Variants in DACH2 observed in about 807,000 individuals in gnomAD.
DACH2 encodes the protein dachshund family transcription factor 2, also known as dachshund homolog 2.
A neutral mutation model predicts 35.8 loss-of-function variants in DACH2; 17 were observed. That is an observed-to-expected ratio of 0.48 (90% CI 0.33 to 0.71). The LOEUF is 0.71. DACH2 is among the 30% of genes least tolerant of loss of function. The pLI is 0.02. For missense variants in DACH2, 469 were observed against 472.7 expected, an observed-to-expected ratio of 0.99 and a Z score of 0.07; for synonymous variants, 195 against 177.3, an observed-to-expected ratio of 1.10 and a Z score of -0.79.
intron 4 of DACH2, among the ~76,000 whole-genome samples, chrX:86,678,022 A>G (rs765522982): frequency 8.9e-6 from 1 of 112,167 alleles, no homozygotes; most frequent in East Asian, 2.8e-4. Flanking sequence ...AAGAAATGTG[A>G]CAAAACATTT....
intron 1 of DACH2, among the ~76,000 whole-genome samples, chrX:86,329,012 A>C (rs1369758910): frequency 9.0e-6 from 1 of 111,552 alleles, no homozygotes. Context: ...TTGCTTGATC[A>C]CTCAAACAAT....
At chrX:86,343,827 G>A (rs749977663) in intron 1 of DACH2, among the ~76,000 whole-genome samples, 1 of 111,037 alleles carries the variant, frequency 9.0e-6, no homozygotes, top group South Asian at 3.8e-4. Context: ...CTATTTCATA[G>A]AGGACACATA....
At chrX:86,438,390 A>T (rs2037105338) in intron 2 of DACH2, among the ~76,000 whole-genome samples, 1 of 109,094 alleles carries the variant, frequency 9.2e-6, no homozygotes, top group African/African-American at 3.3e-5. Context: ...CGCCCGGCTA[A>T]TTTTTTTGTA....
At chrX:86,360,201 GT>G (rs1376936914) in intron 1 of DACH2, among the ~76,000 whole-genome samples, 2 of 111,027 alleles carry the variant, frequency 1.8e-5, no homozygotes, top group Non-Finnish European at 3.8e-5. Flanking sequence ...ACATCTATAT[GT>G]TTTTTTCTTT....
intron 1 of DACH2, among the ~76,000 whole-genome samples, chrX:86,295,036 A>G (rs1193489965): frequency 8.9e-6 from 1 of 112,604 alleles, no homozygotes. Flanking sequence ...GCCGCCTTGC[A>G]GTTTGATCTT....
At chrX:86,376,750 A>G in intron 1 of DACH2, 74 bp from the exon 2 acceptor site, 1 of 1,089,327 alleles carries the variant, frequency 9.2e-7, no homozygotes, top group Non-Finnish European at 1.2e-6. Context: ...GCCTTGCTTA[A>G]TTGGAAGCTA....
intron 3 of DACH2, among the ~76,000 whole-genome samples, chrX:86,561,809 G>A (rs376466552): frequency 1.8e-4 from 12 of 65,490 alleles, no homozygotes; most frequent in Non-Finnish European, 2.7e-4. Flanking sequence ...TAGATGACAC[G>A]TTAGTGGGTG....
intron 2 of DACH2, among the ~76,000 whole-genome samples, chrX:86,424,048 A>G (rs778525543): frequency 9.0e-6 from 1 of 110,546 alleles, no homozygotes; most frequent in East Asian, 2.9e-4. Flanking sequence ...TATATATGTC[A>G]GTTTTTATGC....
intron 1 of DACH2, among the ~76,000 whole-genome samples, chrX:86,309,139 T>G (rs1336404862): frequency 8.9e-6 from 1 of 112,004 alleles, no homozygotes; most frequent in Non-Finnish European, 1.9e-5. Flanking sequence ...GTGCCACCAT[T>G]AAGGACTTGA....
intron 1 of DACH2, among the ~76,000 whole-genome samples, chrX:86,254,109 G>C (rs2033454119): frequency 8.9e-6 from 1 of 111,803 alleles, no homozygotes; most frequent in Non-Finnish European, 1.9e-5. Flanking sequence ...CTTGTTAGAT[G>C]ATCAGCTTTA....
intron 4 of DACH2, among the ~76,000 whole-genome samples, chrX:86,654,684 G>T (rs991028945): frequency 1.8e-5 from 2 of 111,298 alleles, no homozygotes; most frequent in African/African-American, 3.3e-5. Context: ...TATGTGCTAA[G>T]TATCTCACAT....
At chrX:86,208,159 G>A (rs1406788351) in intron 1 of DACH2, among the ~76,000 whole-genome samples, 1 of 109,708 alleles carries the variant, frequency 9.1e-6, no homozygotes, top group African/African-American at 3.3e-5. Context: ...TCTAATATAA[G>A]GTATGAATAT....
intron 7 of DACH2, among the ~76,000 whole-genome samples, chrX:86,797,098 A>C (rs1602961256): frequency 9.0e-6 from 1 of 110,918 alleles, no homozygotes; most frequent in Admixed American, 9.7e-5. Flanking sequence ...GCCATTTACT[A>C]GGAGTAACAG....
At chrX:86,587,321 A>G (rs892125490) in intron 3 of DACH2, among the ~76,000 whole-genome samples, 6 of 111,604 alleles carry the variant, frequency 5.4e-5, no homozygotes, top group African/African-American at 1.9e-4. Context: ...CGAAAAGACT[A>G]TGGGGTCTTA....
chrX:86,453,544 T>C (rs973116273), intron 2 of DACH2, among the ~76,000 whole-genome samples: 3 of 110,223 alleles, frequency 2.7e-5, no homozygotes, highest in Admixed American at 9.7e-5. Context: ...TCTTGCTGAA[T>C]TGAACCTTTT....
intron 2 of DACH2, among the ~76,000 whole-genome samples, chrX:86,394,578 T>C (rs1161019997): frequency 8.9e-6 from 1 of 111,887 alleles, no homozygotes; most frequent in African/African-American, 3.2e-5. Flanking sequence ...TGCTAACTAA[T>C]AGTGAAAGAT....
intron 2 of DACH2, among the ~76,000 whole-genome samples, chrX:86,401,675 C>T (rs896495814): frequency 9.7e-6 from 1 of 103,133 alleles, no homozygotes. Flanking sequence ...ATTTAACTGG[C>T]TAACAGGTAA....
At chrX:86,499,808 A>G (rs1251763613) in intron 2 of DACH2, among the ~76,000 whole-genome samples, 2 of 112,251 alleles carry the variant, frequency 1.8e-5, no homozygotes, top group Non-Finnish European at 3.8e-5. Context: ...TTTAGAAAAT[A>G]TTACCACAAT....
At chrX:86,284,781 C>G (rs1185557494) in intron 1 of DACH2, among the ~76,000 whole-genome samples, 2 of 110,882 alleles carry the variant, frequency 1.8e-5, no homozygotes. Flanking sequence ...TTTCTTCCAT[C>G]TTGTTACTTT....
Sources: allele counts gnomAD v4.1 joint callset (sites outside exome capture counted in the v4.1 genomes callset), GRCh38; gene constraint gnomAD v4.1.1; transcripts MANE v1.5; gene names NCBI Gene and HGNC (gene_info 2026-07-23, HGNC 2026-07-21).